Variants in CEP350 observed in about 807,000 individuals in gnomAD.
CEP350 encodes centrosomal protein 350, also known as centrosome-associated protein 350.
A neutral mutation model predicts 331.8 loss-of-function variants in CEP350; 126 were observed. The ratio of observed to expected loss-of-function variants is 0.38; its 90% CI spans 0.33 to 0.44. The LOEUF is 0.44. Among genes scored for constraint, CEP350 ranks in the 20% least tolerant of loss-of-function variants. CEP350 has a pLI of 1.00. For missense variants in CEP350, 3,406 were observed against 3,634.6 expected (o/e 0.94, Z 1.62); for synonymous variants, 1,200 against 1,259.5 (o/e 0.95, Z 1.00).
intron 37 of CEP350, among the ~76,000 whole-genome samples, chr1:180,099,556 G>A (rs1329345516): frequency 1.3e-5 from 2 of 151,696 alleles, no homozygotes; most frequent in Non-Finnish European, 2.9e-5. Flanking sequence ...TTAGGAAAGT[G>A]TTTATCAAAA....
At chr1:180,083,226 T>A (rs1167746306) in intron 30 of CEP350, among the ~76,000 whole-genome samples, 1 of 152,182 alleles carries the variant, frequency 6.6e-6, no homozygotes, top group Non-Finnish European at 1.5e-5. Flanking sequence ...CACCATTGTG[T>A]GATTGAGGGA....
chr1:180,038,056 C>A (rs962867154), intron 17 of CEP350, among the ~76,000 whole-genome samples: 2 of 152,160 alleles, frequency 1.3e-5, no homozygotes. Context: ...TGCCCATTTT[C>A]AATTACTCCC....
chr1:180,056,368 G>T (rs1389891385), intron 25 of CEP350, among the ~76,000 whole-genome samples: 2 of 149,190 alleles, frequency 1.3e-5, no homozygotes, highest in Non-Finnish European at 3.0e-5. Flanking sequence ...GGTTTCCTTT[G>T]TATCTATCCT....
rs540485315 is a variant in CEP350 at position 180,041,701 on chromosome 1, C to T, written c.4261C>T (p.Arg1421Trp). ...ESLQQVVQSQ[R>W]EVTEVLQEAT... is the part of the protein sequence containing the mutation. ...ATTACAGCAGGTGGTTCAATCACAA[C>T]GGGAAGTAACTGAAGTCCTGCAGGA... Residue 1421 changes from arginine (R) to tryptophan (W), a missense_variant, in exon 19 of 38, where the codon CGG becomes TGG. By Grantham distance (101) the Arg-to-Trp change is moderately radical. Coordinates refer to ENST00000367607, the MANE Select transcript of CEP350 (RefSeq NM_014810.5). 52 of 1,613,434 alleles carry T rather than the reference C, an allele frequency of 3.2e-5. No homozygotes were observed. Among genetic ancestry groups the T allele is most frequent in the East Asian group, 2.9e-4 (13 of 44,868 alleles).
intron 17 of CEP350, among the ~76,000 whole-genome samples, chr1:180,038,367 CTG>C (rs1558118959): frequency 3.3e-5 from 5 of 152,092 alleles, no homozygotes; most frequent in Non-Finnish European, 7.4e-5. Context: ...TTAAACAACT[CTG>C]TGCATACTAC....
chr1:180,094,188 G>A lies in CEP350; in HGVS notation c.8083G>A (p.Glu2695Lys). 1 of 1,613,376 alleles carries A rather than the reference G, an allele frequency of 6.2e-7. No homozygotes were observed. Among genetic ancestry groups the A allele is most frequent in the East Asian group, 2.2e-5 (1 of 44,876 alleles). Residue 2695 changes from glutamate to lysine, a missense_variant, in exon 34 of 38, where the codon GAG becomes AAG. Glu to Lys is a moderately conservative substitution (Grantham distance 56). Transcript: ENST00000367607. ...AGACAATACCTTTTCCGAAGAATTG[G>A]AGAAGCAACAGCAGTTTACAGAAGA... ...TLDNTFSEELEKQQQFTEEED... is the reference protein window; with the variant it reads ...TLDNTFSEELKKQQQFTEEED...
intron 34 of CEP350, among the ~76,000 whole-genome samples, chr1:180,094,821 T>C (rs1660387838): frequency 6.6e-6 from 1 of 152,206 alleles, no homozygotes; most frequent in African/African-American, 2.4e-5. Flanking sequence ...AATTGTCCTC[T>C]ATTATGTCAT....
At position 180,044,075 on chromosome 1, in the gene CEP350, T is replaced by G. The variant is rs1309605916; in HGVS notation, c.4524T>G (p.Ser1508=). The change falls in exon 21 of 38, where the codon TCT becomes TCG. Residue 1508 remains serine, a synonymous_variant. Transcript: ENST00000367607. ...TDRKSPSVSL[S]QSKEGTLDSK... ...GGAAAAGTCCATCTGTTTCACTCTC[T>G]CAGAGTAAAGAAGGGACCCTTGACT... 2 of 1,551,730 alleles carry G rather than the reference T, an allele frequency of 1.3e-6. No homozygotes were observed. The highest frequency in any genetic ancestry group is 2.4e-5 in the South Asian group (2 of 83,326).
intron 11 of CEP350, among the ~76,000 whole-genome samples, chr1:180,019,223 T>C (rs901353675): frequency 1.3e-5 from 2 of 152,210 alleles, no homozygotes; most frequent in Admixed American, 1.3e-4. Context: ...TCCCTTAATA[T>C]AGAGGAAGTC....
chr1:180,075,220 A>C lies in CEP350; in HGVS notation c.5766A>C (p.Lys1922Asn). 5 of 1,606,516 alleles carry C rather than the reference A, an allele frequency of 3.1e-6. No homozygotes were observed. The highest frequency in any genetic ancestry group is 4.3e-6 in the Non-Finnish European group (5 of 1,175,952). ...KELEDQRTEQ[K>N]EIASEEESPV... ...TGGAGGACCAGAGAACAGAACAGAA[A>C]GGTAATAAATACTAACTCTGTTCAC... The change falls in exon 28 of 38, where the codon AAA (lysine) becomes AAC (asparagine). Residue 1922 changes from lysine to asparagine, a missense_variant and splice_region_variant. This residue lies in a region of CEP350 where 1,415 missense variants were observed against 1,512.3 expected (regional missense o/e 0.94). Coordinates refer to ENST00000367607, the MANE Select transcript of CEP350 (RefSeq NM_014810.5).
At chr1:180,012,258 T>C (rs554144833) in intron 9 of CEP350, among the ~76,000 whole-genome samples, 183 bp downstream of exon 9, 4 of 152,352 alleles carry the variant, frequency 2.6e-5, no homozygotes, top group Non-Finnish European at 5.9e-5. Context: ...ATAGGTGTTA[T>C]GTTCATCTTT....
At chr1:180,026,863 T>C (rs1655713273) in intron 14 of CEP350, among the ~76,000 whole-genome samples, 1 of 152,238 alleles carries the variant, frequency 6.6e-6, no homozygotes, top group African/African-American at 2.4e-5. Flanking sequence ...TGTTTATCCA[T>C]TCATCTGTTG....
rs189027458 is a variant in CEP350, at chr1:179,963,942, A to G, written c.-14+8800A>G. Among the ~76,000 whole-genome samples the G allele has an allele frequency of 4.6e-5, 7 of 152,252 alleles. No individual in the cohort carries two copies. In the East Asian group the frequency reaches 1.3e-3, roughly 29 times the overall value. ...GGTCATTTAAATTTTGATTCTTCCAATCCATGAGCATGGAATGTTTTTCCA... is the reference window on the plus strand; with the variant it reads ...GGTCATTTAAATTTTGATTCTTCCAGTCCATGAGCATGGAATGTTTTTCCA... On this transcript the variant is annotated intron_variant, in intron 1 of 37. Transcript: ENST00000367607.
intron 29 of CEP350, among the ~76,000 whole-genome samples, chr1:180,079,848 C>T (rs915192679): frequency 6.6e-6 from 1 of 152,046 alleles, no homozygotes; most frequent in African/African-American, 2.4e-5. Flanking sequence ...GAAATCAAAA[C>T]TAGTATGTCT....
At chr1:179,982,310 A>G (rs1652331250) in intron 1 of CEP350, among the ~76,000 whole-genome samples, 1 of 152,192 alleles carries the variant, frequency 6.6e-6, no homozygotes, top group Non-Finnish European at 1.5e-5. Context: ...TATATGGTAT[A>G]TACTCTTGTT....
chr1:180,031,476 T>C lies in CEP350; in HGVS notation c.3707T>C (p.Leu1236Pro). Residue 1236 changes from leucine to proline, a missense_variant, in exon 15 of 38, where the codon CTT (leucine) becomes CCT (proline). Leu to Pro is a moderately conservative substitution (Grantham distance 98). Coordinates refer to ENST00000367607, the MANE Select transcript of CEP350 (RefSeq NM_014810.5). ...TLDTDSTLED[L>P]SGHSVSVSSD... is the part of the protein sequence containing the mutation. The stretch of plus-strand genomic sequence containing the variant: ...GATACAGATAGCACTTTGGAGGATC[T>C]TTCTGGACATTCTGTGAGGTAATGT... 2 of 1,492,292 alleles carry C rather than the reference T, an allele frequency of 1.3e-6. No homozygotes were observed. The highest frequency in any genetic ancestry group is 1.8e-6 in the Non-Finnish European group (2 of 1,115,380). 92.4% of individuals were successfully genotyped at this position (1,492,292 alleles called of 1,614,324 possible).
chr1:180,087,192 A>G (rs1383764655), intron 31 of CEP350: 4 of 154,334 alleles, frequency 2.6e-5, no homozygotes, highest in Admixed American at 6.5e-5. Flanking sequence ...ACTTACTGCT[A>G]TTGAAACTCA....
rs547983035 is a variant in CEP350, at chr1:180,107,806, C to A, written c.9190-3191C>A. Reference sequence around the variant, plus strand: ...ATTTCTCTATTCCACCAGCCTAATACCCTGTCCCCTCCTCTGCTCCCAAAA... The same window carrying A: ...ATTTCTCTATTCCACCAGCCTAATAACCTGTCCCCTCCTCTGCTCCCAAAA... On this transcript the variant is annotated intron_variant, in intron 37 of 37. Coordinates refer to ENST00000367607, the MANE Select transcript of CEP350 (RefSeq NM_014810.5). Among the ~76,000 whole-genome samples, 5 of 150,092 alleles carry A rather than the reference C, an allele frequency of 3.3e-5. No homozygotes were observed. In the South Asian group the frequency reaches 1.1e-3, roughly 32 times the overall value.
At chr1:180,037,116 G>A in intron 17 of CEP350, 27 bp downstream of exon 17, 1 of 1,527,406 alleles carries the variant, frequency 6.5e-7, no homozygotes, top group Non-Finnish European at 8.8e-7. Context: ...TTAGCTTTCT[G>A]TGGTTTTTCT....
Sources: allele counts gnomAD v4.1 joint callset (sites outside exome capture counted in the v4.1 genomes callset), GRCh38; gene constraint gnomAD v4.1.1; regional missense constraint gnomAD v4.1.1; transcripts MANE v1.5; gene names NCBI Gene and HGNC (gene_info 2026-07-23, HGNC 2026-07-21).